Variants in RBFOX1 observed in about 807,000 individuals in gnomAD.
RBFOX1 encodes RNA binding fox-1 homolog 1, also known as RNA binding protein fox-1 homolog 1.
In RBFOX1, 8 loss-of-function variants were observed where a neutral mutation model predicts 57.7. The observed-to-expected ratio is 0.14, with a 90% confidence interval of 0.08 to 0.25. The LOEUF is 0.25. RBFOX1 is among the 10% of genes least tolerant of loss of function. The pLI, the probability that RBFOX1 is intolerant of heterozygous loss-of-function variation, is 1.00. For missense variants in RBFOX1, 611 were observed against 548.5 expected, an observed-to-expected ratio of 1.11 and a Z score of -1.14; for synonymous variants, 326 against 222.4, an observed-to-expected ratio of 1.47 and a Z score of -4.15.
At chr16:7,693,213 G>A (rs1005333033) in intron 14 of RBFOX1, 6 of 903,348 alleles carry the variant, frequency 6.6e-6, no homozygotes, top group African/African-American at 3.3e-5. Context: ...CCATTCACAC[G>A]CAGCACCCTT....
At chr16:6,434,808 G>C (rs1197966762) in intron 2 of RBFOX1, among the ~76,000 whole-genome samples, 1 of 152,096 alleles carries the variant, frequency 6.6e-6, no homozygotes, top group African/African-American at 2.4e-5. Flanking sequence ...CATTTCCAAT[G>C]TATTCTTCTC....
intron 1 of RBFOX1, among the ~76,000 whole-genome samples, chr16:5,413,896 C>T (rs2067090470): frequency 6.6e-6 from 1 of 152,096 alleles, no homozygotes; most frequent in African/African-American, 2.4e-5. Context: ...CTTCCCATTC[C>T]TGCGTCCATG....
rs2059409885 is a variant in RBFOX1 at position 5,946,856 on chromosome 16, A to C, written c.351+79521A>C. On this transcript the variant is annotated intron_variant, in intron 4 of 19. Transcript: ENST00000641259. The surrounding 1 kb of genome is among the most constrained non-coding windows in gnomAD (Gnocchi z 4.6). Reference sequence around the variant, plus strand: ...AGATTTGGAGCATTGCTTGGTGTGAAATAAAACCCAACACATATGAGTGTA... The same window carrying C: ...AGATTTGGAGCATTGCTTGGTGTGACATAAAACCCAACACATATGAGTGTA... 6.6e-6 allele frequency among the ~76,000 whole-genome samples: 1 copy of C among 152,154 alleles called. No individual in the cohort carries two copies. Among genetic ancestry groups the C allele is most frequent in the African/African-American group, 2.4e-5 (1 of 41,430 alleles).
At chr16:7,608,059 C>T (rs1458441254) in intron 10 of RBFOX1, among the ~76,000 whole-genome samples, 1 of 152,208 alleles carries the variant, frequency 6.6e-6, no homozygotes, top group Non-Finnish European at 1.5e-5. Context: ...TCTCCTTGCT[C>T]TTGAACAAGG....
At chr16:7,204,788 T>A (rs1351115073) in intron 4 of RBFOX1, among the ~76,000 whole-genome samples, 1 of 152,164 alleles carries the variant, frequency 6.6e-6, no homozygotes, top group South Asian at 2.1e-4. Flanking sequence ...TTCCTTCTTT[T>A]CTCCCTTAAT....
chr16:6,900,943 G>C (rs1179259103), intron 3 of RBFOX1, among the ~76,000 whole-genome samples: 2 of 152,190 alleles, frequency 1.3e-5, no homozygotes, highest in Non-Finnish European at 2.9e-5. Context: ...GAAAACATTT[G>C]TAGAAGGTGT....
chr16:7,116,235 G>C (rs991110318), intron 4 of RBFOX1, among the ~76,000 whole-genome samples: 1 of 152,098 alleles, frequency 6.6e-6, no homozygotes, highest in Non-Finnish European at 1.5e-5. Context: ...AATATATAGA[G>C]AGAAAGCCCA....
At chr16:5,969,256 A>G (rs964134326) in intron 4 of RBFOX1, among the ~76,000 whole-genome samples, 1 of 148,978 alleles carries the variant, frequency 6.7e-6, no homozygotes, top group Non-Finnish European at 1.5e-5. Flanking sequence ...CTCTTTCATA[A>G]TAAATTTGTA....
At chr16:6,121,133 G>GTCCTGTAT (rs1048831590) in intron 1 of RBFOX1, among the ~76,000 whole-genome samples, 7 of 152,140 alleles carry the variant, frequency 4.6e-5, no homozygotes, top group African/African-American at 1.7e-4. Context: ...CACCTGGTGT[G>GTCCTGTAT]TCCTGTATGT....
At chr16:7,275,707 G>A (rs1434586846) in intron 4 of RBFOX1, among the ~76,000 whole-genome samples, 1 of 152,318 alleles carries the variant, frequency 6.6e-6, no homozygotes, top group East Asian at 1.9e-4. Flanking sequence ...ATAGGTATGA[G>A]ATTAATAGGC....
At chr16:7,145,542 C>T (rs1453095274) in intron 4 of RBFOX1, among the ~76,000 whole-genome samples, 4 of 151,906 alleles carry the variant, frequency 2.6e-5, no homozygotes, top group Non-Finnish European at 5.9e-5. Context: ...TTTTTTCTTG[C>T]ACTTAAAGCA....
chr16:5,460,594 C>T (rs986192723), intron 1 of RBFOX1, among the ~76,000 whole-genome samples: 68 of 152,312 alleles, frequency 4.5e-4, no homozygotes, highest in Non-Finnish European at 5.9e-4. Context: ...ATGGTGAGGG[C>T]TCGGCTGACA....
intron 3 of RBFOX1, among the ~76,000 whole-genome samples, chr16:7,051,555 C>G (rs775230063): frequency 7.2e-5 from 11 of 152,238 alleles, no homozygotes; most frequent in Non-Finnish European, 1.5e-4. Context: ...TGGGGACTTA[C>G]TACCATCTGA....
intron 3 of RBFOX1, among the ~76,000 whole-genome samples, chr16:6,796,342 G>A (rs960685881): frequency 1.2e-4 from 18 of 151,994 alleles, no homozygotes; most frequent in African/African-American, 4.1e-4. Context: ...CATGTGAGTG[G>A]GTACACAGCC....
intron 4 of RBFOX1, among the ~76,000 whole-genome samples, chr16:7,428,381 C>A (rs1455640913): frequency 7.3e-6 from 1 of 136,642 alleles, no homozygotes; most frequent in Non-Finnish European, 1.5e-5. Context: ...GGCTGGAGTG[C>A]AATGGCATGA....
chr16:6,181,944 A>G (rs935761178), intron 1 of RBFOX1, among the ~76,000 whole-genome samples: 4 of 152,088 alleles, frequency 2.6e-5, no homozygotes, highest in Non-Finnish European at 5.9e-5. Context: ...TGCCGAGATC[A>G]TTGGCAATTA....
intron 6 of RBFOX1, among the ~76,000 whole-genome samples, chr16:7,586,929 G>C (rs932073724): frequency 6.6e-6 from 1 of 152,206 alleles, no homozygotes; most frequent in Non-Finnish European, 1.5e-5. Context: ...AAGGATCATT[G>C]TATGTACATA....
intron 4 of RBFOX1, among the ~76,000 whole-genome samples, chr16:7,106,981 T>TTA (rs67475582): frequency 2.2e-4 from 30 of 138,440 alleles, no homozygotes; most frequent in South Asian, 8.7e-4. Context: ...GCCACACAGT[T>TTA]AAAACACACA....
chr16:7,161,102 G>A lies in RBFOX1; in HGVS notation c.27+109004G>A, dbSNP rs780977557. ...TCATCATATTTGCAGAGTGTATTTA[G>A]TGTTTACATCAAGACCAACCTCTGG... On this transcript the variant is annotated intron_variant, in intron 4 of 15. Transcript: ENST00000550418. Among the ~76,000 whole-genome samples the A allele has an allele frequency of 1.3e-3, 203 of 151,540 alleles. 2 individuals carry two copies. Among genetic ancestry groups the A allele is most frequent in the Non-Finnish European group, 1.9e-3 (128 of 68,024 alleles).
Sources: gnomAD v4.1 joint callset for allele counts (sites outside exome capture counted in the v4.1 genomes callset) on GRCh38, gnomAD v4.1.1 for gene constraint, Gnocchi (gnomAD v3.1) non-coding constraint, MANE v1.5 for transcripts, NCBI Gene and HGNC (gene_info 2026-07-23, HGNC 2026-07-21) for gene names.